Variants in ARHGAP15 observed in about 807,000 individuals in gnomAD.
ARHGAP15 encodes Rho GTPase activating protein 15.
In ARHGAP15, 51 loss-of-function variants were observed where a neutral mutation model predicts 63.7. The observed-to-expected ratio is 0.80, with a 90% confidence interval of 0.64 to 1.01. ARHGAP15 has a LOEUF of 1.01. Among genes scored for constraint, ARHGAP15 ranks in the 50% least tolerant of loss-of-function variants. The probability of loss-of-function intolerance (pLI) is 0.00; values close to 1 mark genes in which losing one functional copy is unlikely to be tolerated. For missense variants in ARHGAP15, 560 were observed against 564.6 expected (o/e 0.99, Z 0.08); for synonymous variants, 191 against 193.8 (o/e 0.99, Z 0.12).
chr2:143,201,101 C>CT (rs890058828), intron 2 of ARHGAP15, among the ~76,000 whole-genome samples: 39 of 150,878 alleles, frequency 2.6e-4, no homozygotes, highest in African/African-American at 7.0e-4. Context: ...ATCGGGAGTT[C>CT]TTTTTTTTTA....
chr2:143,303,507 A>T lies in ARHGAP15; in HGVS notation c.474+52907A>T, dbSNP rs977909976. ...ACTTAAATGTTAGACCTAAAACCATAAAAACTCTAGAAGAAAAGCTAGGCA... is the reference window on the plus strand; with the variant it reads ...ACTTAAATGTTAGACCTAAAACCATTAAAACTCTAGAAGAAAAGCTAGGCA... On this transcript the variant is annotated intron_variant, in intron 6 of 13. Coordinates refer to ENST00000295095, the MANE Select transcript of ARHGAP15 (RefSeq NM_018460.4). Among the ~76,000 whole-genome samples, 7 of 152,122 alleles carry T rather than the reference A, an allele frequency of 4.6e-5. No individual in the cohort carries two copies. In the East Asian group the frequency reaches 1.4e-3, roughly 29 times the overall value.
chr2:143,481,849 C>T (rs530457021), intron 8 of ARHGAP15, among the ~76,000 whole-genome samples: 2 of 152,182 alleles, frequency 1.3e-5, no homozygotes, highest in East Asian at 3.9e-4. Context: ...CTTAGAAAGC[C>T]CAGAATTCTA....
intron 2 of ARHGAP15, among the ~76,000 whole-genome samples, chr2:143,187,980 C>G (rs1350099858): frequency 2.6e-5 from 4 of 152,190 alleles, no homozygotes; most frequent in Non-Finnish European, 5.9e-5. Context: ...TAGCATTTCT[C>G]TGACTTCTCT....
At chr2:143,664,627 G>A (rs1288349900) in intron 12 of ARHGAP15, among the ~76,000 whole-genome samples, 1 of 151,462 alleles carries the variant, frequency 6.6e-6, no homozygotes, top group East Asian at 1.9e-4. Flanking sequence ...ATGAATCCAG[G>A]AGCTGGTTTT....
intron 11 of ARHGAP15, among the ~76,000 whole-genome samples, chr2:143,616,608 T>A (rs1160127470): frequency 6.6e-6 from 1 of 152,184 alleles, no homozygotes; most frequent in African/African-American, 2.4e-5. Context: ...TTAGAAAGTT[T>A]GTGGTTACTT....
chr2:143,670,861 ATC>A (rs1483535541), intron 12 of ARHGAP15, among the ~76,000 whole-genome samples: 1 of 152,232 alleles, frequency 6.6e-6, no homozygotes, highest in Non-Finnish European at 1.5e-5. Flanking sequence ...TGAACACTTT[ATC>A]TCTGTTTAAT....
At chr2:143,428,944 A>C (rs1689255756) in intron 6 of ARHGAP15, among the ~76,000 whole-genome samples, 1 of 152,090 alleles carries the variant, frequency 6.6e-6, no homozygotes. Context: ...AGGATGATTC[A>C]TTTATCTACA....
chr2:143,629,672 T>C (rs988636015), intron 12 of ARHGAP15, among the ~76,000 whole-genome samples: 4 of 152,160 alleles, frequency 2.6e-5, no homozygotes, highest in African/African-American at 9.6e-5. Flanking sequence ...TCTGCATTTT[T>C]CCAAAGTTCC....
chr2:143,141,379 T>A (rs772528108), intron 1 of ARHGAP15, among the ~76,000 whole-genome samples: 39 of 152,144 alleles, frequency 2.6e-4, no homozygotes, highest in Non-Finnish European at 3.7e-4. Context: ...GTGTCTATAA[T>A]GTCCTAAGTA....
At chr2:143,402,471 G>GA (rs141923537) in intron 6 of ARHGAP15, among the ~76,000 whole-genome samples, 634 of 147,836 alleles carry the variant, frequency 4.3e-3, no homozygotes, top group Non-Finnish European at 7.0e-3. Flanking sequence ...TAGTGACAGA[G>GA]AAAACAAAAG....
intron 6 of ARHGAP15, among the ~76,000 whole-genome samples, chr2:143,337,365 A>G (rs1684849820): frequency 6.6e-6 from 1 of 152,192 alleles, no homozygotes; most frequent in Admixed American, 6.5e-5. Context: ...AAGCCATGAA[A>G]TGACTCAAGG....
chr2:143,660,265 C>A (rs1272426414), intron 12 of ARHGAP15, among the ~76,000 whole-genome samples: 4 of 152,140 alleles, frequency 2.6e-5, no homozygotes, highest in Admixed American at 2.0e-4. Flanking sequence ...CTGTATAATT[C>A]TTCAACTGTT....
chr2:143,547,685 C>CT lies in ARHGAP15; in HGVS notation c.926-8708dup, dbSNP rs11296686. ...CTGTATCCAAATTGAGGAGGGATGA[C>CT]TTTTTTTTTTTTTTTGTAACATTTG... On this transcript the variant is annotated intron_variant, in intron 10 of 13. Transcript: ENST00000295095. Among the ~76,000 whole-genome samples, 665 of 142,860 alleles carry CT rather than the reference C, an allele frequency of 4.7e-3. 4 individuals carry two copies. Among genetic ancestry groups the CT allele is most frequent in the African/African-American group, 0.013 (501 of 39,180 alleles). The allele number at this position is 142,860 out of a possible 152,430, so 93.7% of individuals were successfully genotyped here.
chr2:143,184,905 A>T (rs201260103), intron 2 of ARHGAP15, among the ~76,000 whole-genome samples: 3 of 150,780 alleles, frequency 2.0e-5, no homozygotes, highest in African/African-American at 7.3e-5. Context: ...CTGGTCTCAC[A>T]CATCTGACCT....
Position 143,166,738 on chromosome 2 carries a change from C to A in ARHGAP15, c.165+11083C>A, listed in dbSNP as rs931526083. ...TGTGTTGTATATCTCAAATGACAAG[C>A]TTTGATTTTTTAAAACTTCAAATTA... On this transcript the variant is annotated intron_variant, in intron 2 of 13. Coordinates refer to ENST00000295095, the MANE Select transcript of ARHGAP15 (RefSeq NM_018460.4). Among the ~76,000 whole-genome samples, 7 of 152,216 alleles carry A rather than the reference C, an allele frequency of 4.6e-5. No individual in the cohort carries two copies. In the East Asian group the frequency reaches 1.2e-3, roughly 25 times the overall value.
At chr2:143,576,580 C>A (rs115328415) in intron 11 of ARHGAP15, among the ~76,000 whole-genome samples, 1 of 151,976 alleles carries the variant, frequency 6.6e-6, no homozygotes, top group Non-Finnish European at 1.5e-5. Context: ...ACTCTATCGA[C>A]GTAATCATGA....
At chr2:143,492,511 C>T (rs1176571575) in intron 9 of ARHGAP15, among the ~76,000 whole-genome samples, 2 of 152,110 alleles carry the variant, frequency 1.3e-5, no homozygotes, top group East Asian at 3.9e-4. Flanking sequence ...GTAGTCCAAA[C>T]ATTTTGGGAG....
intron 2 of ARHGAP15, among the ~76,000 whole-genome samples, chr2:143,172,795 G>C (rs1020691945): frequency 1.3e-5 from 2 of 152,062 alleles, no homozygotes; most frequent in African/African-American, 4.8e-5. Flanking sequence ...AAGTGAAAGT[G>C]TCATAGGGAC....
At chr2:143,655,848 A>C (rs550632103) in intron 12 of ARHGAP15, among the ~76,000 whole-genome samples, 1 of 152,260 alleles carries the variant, frequency 6.6e-6, no homozygotes, top group South Asian at 2.1e-4. Context: ...AAAAAGTTCC[A>C]AAAGGAGAAC....
Sources: gnomAD v4.1 joint callset for allele counts (sites outside exome capture counted in the v4.1 genomes callset) on GRCh38, gnomAD v4.1.1 for gene constraint, MANE v1.5 for transcripts, NCBI Gene and HGNC (gene_info 2026-07-23, HGNC 2026-07-21) for gene names.